RARB: variants seen among roughly 807,000 people sequenced by gnomAD.
RARB encodes the protein HBV-activated protein.
In RARB, 17 loss-of-function variants were observed where a neutral mutation model predicts 51.9. That is an observed-to-expected ratio of 0.33 (90% CI 0.22 to 0.49). The LOEUF (loss-of-function observed/expected upper bound fraction) is 0.49, where lower values mean the gene tolerates loss of function less well. Among genes scored for constraint, RARB ranks in the 20% least tolerant of loss-of-function variants. The pLI is 0.99. For missense variants in RARB, 369 were observed against 550.8 expected, an observed-to-expected ratio of 0.67 and a Z score of 3.30; for synonymous variants, 215 against 195.4, an observed-to-expected ratio of 1.10 and a Z score of -0.84.
chr3:25,116,590 A>G (rs79323243), intron 3 of RARB, among the ~76,000 whole-genome samples: 1,608 of 152,082 alleles, frequency 0.011, 24 homozygotes, highest in African/African-American at 0.036. Flanking sequence ...CTCCTTAAAG[A>G]AAAGGCTTCT....
At chr3:24,900,873 AATAAT>A (rs1441492724) in intron 2 of RARB, among the ~76,000 whole-genome samples, 3 of 152,170 alleles carry the variant, frequency 2.0e-5, no homozygotes, top group African/African-American at 7.2e-5. Context: ...TGAGAGAATA[AATAAT>A]ATAACTCTTA....
At chr3:24,967,389 T>C (rs1696299351) in intron 2 of RARB, among the ~76,000 whole-genome samples, 1 of 152,154 alleles carries the variant, frequency 6.6e-6, no homozygotes, top group African/African-American at 2.4e-5. Context: ...TTGCATTTCT[T>C]CACTACCCCC....
At chr3:24,943,978 G>T (rs2125401697) in intron 2 of RARB, among the ~76,000 whole-genome samples, 1 of 152,286 alleles carries the variant, frequency 6.6e-6, no homozygotes, top group South Asian at 2.1e-4. Context: ...GAGCAAGAGT[G>T]AATAATAATA....
chr3:25,148,494 T>C (rs1700230282), intron 4 of RARB, among the ~76,000 whole-genome samples: 1 of 152,268 alleles, frequency 6.6e-6, no homozygotes, highest in Non-Finnish European at 1.5e-5. Flanking sequence ...CTTTCTCTAC[T>C]GGATCTTCTT....
At chr3:24,938,248 C>A (rs1362277909) in intron 2 of RARB, among the ~76,000 whole-genome samples, 1 of 152,106 alleles carries the variant, frequency 6.6e-6, no homozygotes, top group Non-Finnish European at 1.5e-5. Context: ...TGAACACTGG[C>A]AATTTTCTAT....
At chr3:25,016,418 C>A (rs1273693081) in intron 2 of RARB, among the ~76,000 whole-genome samples, 35 of 152,098 alleles carry the variant, frequency 2.3e-4, no homozygotes, top group Non-Finnish European at 1.2e-4. Flanking sequence ...CTCTGGATGC[C>A]AGTAGCACCA....
In RARB at chr3:24,832,648, TATAA is replaced by T. The variant is rs1489997331; in HGVS notation, c.-459+3246_-459+3249del. Among the ~76,000 whole-genome samples the T allele has an allele frequency of 8.6e-4, 122 of 141,836 alleles. 3 individuals carry two copies. The highest frequency in any genetic ancestry group is 2.9e-3 in the African/African-American group (110 of 38,464). 93.0% of individuals were successfully genotyped at this position (141,836 alleles called of 152,430 possible). ...GTCCCAATATATATATATATATATA[TATAA>T]TGTCAATTAAAAATGAAATTCTTAA... On this transcript the variant is annotated intron_variant, in intron 1 of 11. Transcript: ENST00000383772.
At chr3:25,419,142 C>T (rs950510409) in intron 5 of RARB, among the ~76,000 whole-genome samples, 1 of 151,966 alleles carries the variant, frequency 6.6e-6, no homozygotes. Context: ...GGGAATTTAG[C>T]AAGGCCTATC....
chr3:24,846,513 A>C (rs570689026), intron 1 of RARB, among the ~76,000 whole-genome samples: 2 of 152,344 alleles, frequency 1.3e-5, no homozygotes, highest in East Asian at 3.9e-4. Flanking sequence ...TGCAGAAGGG[A>C]ATATGCTCTT....
rs563363603 is a variant in RARB, at chr3:25,323,331, G to C, written c.179-137862G>C. On this transcript the variant is annotated intron_variant, in intron 5 of 11. Transcript: ENST00000383772. ...CATTACAAAAGGACATGTGGGATAA[G>C]AGCAATTGCTGTGGTCATTATTAAA... Among the ~76,000 whole-genome samples the C allele has an allele frequency of 1.8e-4, 28 of 152,300 alleles. No individual in the cohort carries two copies. In the East Asian group the frequency reaches 4.6e-3, roughly 25 times the overall value.
intron 5 of RARB, among the ~76,000 whole-genome samples, chr3:25,196,250 G>A (rs572800240): frequency 6.6e-6 from 1 of 151,800 alleles, no homozygotes; most frequent in East Asian, 1.9e-4. Context: ...GCCCCAGTGT[G>A]TGATGTTCCC....
At chr3:25,030,220 T>C (rs536095876) in intron 2 of RARB, among the ~76,000 whole-genome samples, 2 of 152,254 alleles carry the variant, frequency 1.3e-5, no homozygotes, top group African/African-American at 2.4e-5. Context: ...AATATTATAT[T>C]GTTCAACTTG....
intron 2 of RARB, among the ~76,000 whole-genome samples, chr3:24,954,337 G>C (rs1695963251): frequency 6.6e-6 from 1 of 152,166 alleles, no homozygotes; most frequent in South Asian, 2.1e-4. Flanking sequence ...GAATTAGTGG[G>C]TAAGAATGGG....
intron 2 of RARB, among the ~76,000 whole-genome samples, chr3:24,916,202 C>T (rs936584728): frequency 4.3e-4 from 65 of 152,244 alleles, no homozygotes; most frequent in African/African-American, 1.4e-3. Flanking sequence ...CTAGAGCCCT[C>T]TTTATGATTT....
rs557807363 is a variant in RARB, at chr3:25,356,613, C to T, written c.179-104580C>T. On this transcript the variant is annotated intron_variant, in intron 5 of 11. Transcript: ENST00000383772. ...ATGTGCCATGGTGGTTTGCTGCACC[C>T]ATCAACCCATCATCTACATTAGGTA... Among the ~76,000 whole-genome samples, 172 of 152,064 alleles carry T rather than the reference C, an allele frequency of 1.1e-3. 1 individual carries two copies. The highest frequency in any genetic ancestry group is 6.8e-3 in the Middle Eastern group (2 of 294).
chr3:25,559,235 T>A (rs913116294), intron 3 of RARB, among the ~76,000 whole-genome samples: 1 of 152,184 alleles, frequency 6.6e-6, no homozygotes, highest in East Asian at 1.9e-4. Flanking sequence ...AAATATATGT[T>A]GAACATTCCT....
chr3:25,272,445 C>A (rs1359516456), intron 5 of RARB, among the ~76,000 whole-genome samples: 1 of 152,154 alleles, frequency 6.6e-6, no homozygotes, highest in South Asian at 2.1e-4. Flanking sequence ...TCTGGATGGA[C>A]CCGGACATGG....
chr3:25,550,458 C>A (rs746433427), intron 3 of RARB, among the ~76,000 whole-genome samples: 1 of 152,072 alleles, frequency 6.6e-6, no homozygotes, highest in African/African-American at 2.4e-5. Context: ...TGTCTTCTTG[C>A]TGTAACCTCA....
intron 3 of RARB, among the ~76,000 whole-genome samples, chr3:25,076,131 C>A (rs1475902519): frequency 2.1e-5 from 3 of 144,988 alleles, no homozygotes; most frequent in Admixed American, 7.4e-5. Flanking sequence ...GTAGTATCCC[C>A]AGAAGCAGTT....
Sources: allele counts gnomAD v4.1 joint callset (sites outside exome capture counted in the v4.1 genomes callset), GRCh38; gene constraint gnomAD v4.1.1; transcripts MANE v1.5; gene names NCBI Gene and HGNC (gene_info 2026-07-23, HGNC 2026-07-21).